LRRC37A2: variants seen among roughly 807,000 people sequenced by gnomAD.
LRRC37A2 encodes the protein leucine rich repeat containing 37 member A2.
LRRC37A2 carries 9 observed loss-of-function variants against 68.8 expected under a neutral mutation model. The ratio of observed to expected loss-of-function variants is 0.13; its 90% CI spans 0.08 to 0.23. LRRC37A2 has a LOEUF of 0.23. Ranked by LOEUF, LRRC37A2 falls within the 10% of genes least tolerant of loss-of-function variation. The pLI is 1.00. For synonymous variants in LRRC37A2, 63 were observed against 367.6 expected (o/e 0.17, Z 9.48); for missense variants, 168 against 950.4 (o/e 0.18, Z 10.82).
chr17:46,971,733 C>A, the LRRC37A2 span, among the ~76,000 whole-genome samples: 1 of 152,148 alleles, frequency 6.6e-6, no homozygotes, highest in African/African-American at 2.4e-5. Context: ...TCCTGCACCC[C>A]GACCTGCCTG....
chr17:46,730,142 A>G, the LRRC37A2 span, among the ~76,000 whole-genome samples: 1,196 of 152,252 alleles, frequency 7.9e-3, 17 homozygotes, highest in African/African-American at 0.027. Context: ...CAATGTTTTC[A>G]TAAATAAGTA....
At chr17:46,962,700 G>A in the LRRC37A2 span, among the ~76,000 whole-genome samples, 1 of 152,326 alleles carries the variant, frequency 6.6e-6, no homozygotes, top group East Asian at 1.9e-4. Flanking sequence ...CAAGGTGCCA[G>A]ACACTCTAGC....
At chr17:46,972,294 A>G in the LRRC37A2 span, among the ~76,000 whole-genome samples, 6 of 151,542 alleles carry the variant, frequency 4.0e-5, no homozygotes, top group Admixed American at 3.9e-4. Context: ...GTCCTTTCAT[A>G]TGCTTCCTCT....
chr17:46,885,226 G>A, the LRRC37A2 span: 2 of 303,140 alleles, frequency 6.6e-6, no homozygotes, highest in Non-Finnish European at 6.5e-6. Flanking sequence ...GGCTGGTCTC[G>A]AACTCCCGAC....
At chr17:47,024,016 G>C in the LRRC37A2 span, among the ~76,000 whole-genome samples, 1 of 152,210 alleles carries the variant, frequency 6.6e-6, no homozygotes, top group Non-Finnish European at 1.5e-5. Flanking sequence ...AGCTAGAAAT[G>C]ATCTTTTGTA....
the LRRC37A2 span, chr17:46,935,657 A>G: frequency 1.0e-6 from 1 of 998,422 alleles, no homozygotes; most frequent in Non-Finnish European, 1.2e-6. Flanking sequence ...TTTGCAGTAG[A>G]TTAGAGCTTT....
the LRRC37A2 span, among the ~76,000 whole-genome samples, chr17:46,719,516 A>G: frequency 6.6e-6 from 1 of 152,218 alleles, no homozygotes. This position sits in a 1 kb window ranked among gnomAD's most constrained non-coding sequence, Gnocchi z 4.3. Flanking sequence ...CTCCATGGAT[A>G]AACTCCTCAA....
chr17:46,945,483 T>C, the LRRC37A2 span, among the ~76,000 whole-genome samples: 23 of 152,186 alleles, frequency 1.5e-4, no homozygotes, highest in Non-Finnish European at 3.2e-4. Context: ...CTGACTTTGC[T>C]GTTTATTAGC....
chr17:46,849,435 C>A, the LRRC37A2 span, among the ~76,000 whole-genome samples: 3 of 152,214 alleles, frequency 2.0e-5, no homozygotes, highest in African/African-American at 7.2e-5. Flanking sequence ...CCCACTCCAT[C>A]CTCACCTGCC....
chr17:46,831,148 C>T, the LRRC37A2 span, among the ~76,000 whole-genome samples: 2 of 152,134 alleles, frequency 1.3e-5, no homozygotes, highest in African/African-American at 2.4e-5. Context: ...TGGAAAACAC[C>T]GGAACATGGG....
chr17:46,766,688 C>T, the LRRC37A2 span, among the ~76,000 whole-genome samples: 2 of 152,286 alleles, frequency 1.3e-5, no homozygotes, highest in African/African-American at 4.8e-5. Flanking sequence ...TTCTCCATGA[C>T]GTCAAGTACC....
At chr17:47,043,360 A>C in the LRRC37A2 span, among the ~76,000 whole-genome samples, 3 of 151,224 alleles carry the variant, frequency 2.0e-5, no homozygotes, top group African/African-American at 7.2e-5. Flanking sequence ...ATGACAGGGC[A>C]TGGTGGCGGG....
the LRRC37A2 span, among the ~76,000 whole-genome samples, chr17:46,502,493 G>A: frequency 6.6e-6 from 1 of 150,658 alleles, no homozygotes; most frequent in Non-Finnish European, 1.5e-5. Context: ...GTAGAGACAG[G>A]GTTTCACCAT....
At chr17:46,969,126 C>T in the LRRC37A2 span, among the ~76,000 whole-genome samples, 2 of 152,230 alleles carry the variant, frequency 1.3e-5, no homozygotes, top group Non-Finnish European at 2.9e-5. Flanking sequence ...GCCGATCTCG[C>T]TCTGGCTCCC....
the LRRC37A2 span, among the ~76,000 whole-genome samples, chr17:46,569,223 C>T: frequency 6.6e-6 from 1 of 151,776 alleles, no homozygotes; most frequent in African/African-American, 2.4e-5. Flanking sequence ...GCTGGGATTA[C>T]AGGTGTAAGC....
chr17:46,791,627 C>A, the LRRC37A2 span, among the ~76,000 whole-genome samples: 12 of 152,352 alleles, frequency 7.9e-5, no homozygotes, highest in East Asian at 2.3e-3. Flanking sequence ...GCCAGGCATG[C>A]CCTGGTAAGG....
At chr17:46,822,920 C>G in the LRRC37A2 span, among the ~76,000 whole-genome samples, 9 of 151,604 alleles carry the variant, frequency 5.9e-5, no homozygotes, top group African/African-American at 2.2e-4. Context: ...CTGTGGGCAC[C>G]TGAGAGGTTC....
the LRRC37A2 span, among the ~76,000 whole-genome samples, chr17:46,782,065 G>A: frequency 6.6e-6 from 1 of 152,188 alleles, no homozygotes; most frequent in African/African-American, 2.4e-5. Context: ...GTGGACCCAG[G>A]GGCTGCGGCC....
chr17:46,910,522 TG>T, the LRRC37A2 span, among the ~76,000 whole-genome samples: 3 of 152,212 alleles, frequency 2.0e-5, no homozygotes, highest in African/African-American at 7.2e-5. Flanking sequence ...AGCCATCACC[TG>T]TCTAGCTTGG....
Sources: allele counts gnomAD v4.1 joint callset (sites outside exome capture counted in the v4.1 genomes callset), GRCh38; gene constraint gnomAD v4.1.1; non-coding constraint Gnocchi (gnomAD v3.1); transcripts MANE v1.5; gene names NCBI Gene and HGNC (gene_info 2026-07-23, HGNC 2026-07-21).